Variants in EDIL3 observed in about 807,000 individuals in gnomAD.
EDIL3 encodes the protein EGF-like repeat and discoidin I-like domain-containing protein 3.
A neutral mutation model predicts 67.4 loss-of-function variants in EDIL3; 37 were observed. That is an observed-to-expected ratio of 0.55 (90% CI 0.42 to 0.72). The LOEUF is 0.72. Among genes scored for constraint, EDIL3 ranks in the 30% least tolerant of loss-of-function variants. EDIL3 has a pLI of 0.00. For missense variants in EDIL3, 527 were observed against 586.3 expected, an observed-to-expected ratio of 0.90 and a Z score of 1.04; for synonymous variants, 195 against 196.3, an observed-to-expected ratio of 0.99 and a Z score of 0.05.
rs984585895 is a variant in EDIL3 at position 84,270,429 on chromosome 5, A to C, written c.68-16217T>G. On this transcript the variant is annotated intron_variant, in intron 1 of 10. Transcript: ENST00000296591. ...CATAGCTGTTTAACTCATAAGCCTA[A>C]GGATATATACACATCTGTCAGTAAA... is the stretch of plus-strand genomic sequence containing the variant. 2.6e-5 allele frequency among the ~76,000 whole-genome samples: 4 copies of C among 152,222 alleles called. No homozygotes were observed. The South Asian group carries it at 8.3e-4, about 31-fold the overall frequency.
rs80244232 is a variant in EDIL3 at position 84,058,056 on chromosome 5, G to A, written c.1137+2244C>T. On this transcript the variant is annotated intron_variant, in intron 9 of 10. Transcript: ENST00000296591. ...AATATTCCCAGAGAAAGGTATATCC[G>A]AACTGAAGCTGAAGGATTTAAATAT... Among the ~76,000 whole-genome samples, 547 of 152,200 alleles carry A rather than the reference G, an allele frequency of 3.6e-3. 3 individuals carry two copies. The highest frequency in any genetic ancestry group is 0.013 in the African/African-American group (532 of 41,538).
At chr5:84,280,015 G>A (rs1745664486) in intron 1 of EDIL3, among the ~76,000 whole-genome samples, 1 of 152,156 alleles carries the variant, frequency 6.6e-6, no homozygotes, top group Non-Finnish European at 1.5e-5. Context: ...GCTTTATGGT[G>A]CTTGACACTT....
chr5:84,234,169 T>C (rs1744635818), intron 2 of EDIL3, among the ~76,000 whole-genome samples: 1 of 152,204 alleles, frequency 6.6e-6, no homozygotes, highest in Admixed American at 6.5e-5. Context: ...AGCCTCAGGC[T>C]ATGCATTCAG....
chr5:83,942,640 A>C lies in EDIL3; in HGVS notation c.*779T>G, dbSNP rs1744244961. On this transcript the variant is annotated 3_prime_UTR_variant, in exon 11 of 11. Coordinates refer to ENST00000296591, the MANE Select transcript of EDIL3 (RefSeq NM_005711.5). ...TAAATAGTTATGGCTTCCTTCAAAA[A>C]TAAAACTGCAGATTTAATTAACGAA... 1 of 152,066 alleles carries C rather than the reference A, an allele frequency of 6.6e-6. No individual in the cohort carries two copies. Among genetic ancestry groups the C allele is most frequent in the Non-Finnish European group, 1.5e-5 (1 of 67,976 alleles). The allele number at this position is 152,066 out of a possible 1,614,324, so 9.4% of individuals were successfully genotyped here. A position where few individuals can be genotyped will look rare whatever the true frequency, so the allele number is the denominator to read the frequency against.
chr5:84,311,329 T>C (rs1423389793), intron 1 of EDIL3, among the ~76,000 whole-genome samples: 5 of 149,682 alleles, frequency 3.3e-5, no homozygotes, highest in African/African-American at 7.3e-5. Flanking sequence ...TTTTTCTTTT[T>C]TTTTTTTTTT....
intron 1 of EDIL3, among the ~76,000 whole-genome samples, chr5:84,257,138 A>G (rs1400381350): frequency 1.3e-5 from 2 of 152,054 alleles, no homozygotes; most frequent in Non-Finnish European, 2.9e-5. Flanking sequence ...GGTTCTTTCA[A>G]TTATCCCATC....
At chr5:83,983,744 T>TC (rs1554061992) in intron 9 of EDIL3, among the ~76,000 whole-genome samples, 8 of 146,378 alleles carry the variant, frequency 5.5e-5, no homozygotes, top group Admixed American at 3.5e-4. Context: ...GGGACTTTCT[T>TC]TTTTTTTTTT....
intron 5 of EDIL3, among the ~76,000 whole-genome samples, chr5:84,132,287 GTATATATTTTATATATAATATATATTA>G (rs1335665130): frequency 2.8e-4 from 24 of 86,100 alleles, no homozygotes; most frequent in East Asian, 3.1e-4. Flanking sequence ...TTCATATATA[GTATATATTTTATATATAATATATATTA>G]TATATATTTT....
intron 4 of EDIL3, among the ~76,000 whole-genome samples, chr5:84,166,027 T>C (rs1176905173): frequency 6.6e-6 from 1 of 152,146 alleles, no homozygotes; most frequent in African/African-American, 2.4e-5. Context: ...CTTTGCATAC[T>C]AAACTCTCCA....
chr5:84,060,596 C>A, intron 8 of EDIL3, 112 bp from the exon 9 acceptor site: 3 of 1,164,312 alleles, frequency 2.6e-6, no homozygotes, highest in South Asian at 1.6e-5. Context: ...TTCATTCCTC[C>A]AAAGAGAAAA....
intron 3 of EDIL3, chr5:84,181,062 A>T: frequency 6.6e-6 from 1 of 152,212 alleles, no homozygotes; most frequent in East Asian, 1.9e-4. Flanking sequence ...GCTGGCTGCA[A>T]AGCTTTTATA....
At chr5:84,295,150 C>T (rs1050499102) in intron 1 of EDIL3, among the ~76,000 whole-genome samples, 1 of 151,504 alleles carries the variant, frequency 6.6e-6, no homozygotes, top group African/African-American at 2.4e-5. Context: ...TTTTCTATTC[C>T]CATGCTATAT....
At chr5:84,046,021 AG>A (rs1746217921) in intron 9 of EDIL3, among the ~76,000 whole-genome samples, 2 of 152,254 alleles carry the variant, frequency 1.3e-5, no homozygotes, top group South Asian at 4.1e-4. Context: ...TGGACAGAGC[AG>A]GGTTCTCTAA....
chr5:84,085,930 T>G (rs1307736034), intron 6 of EDIL3, among the ~76,000 whole-genome samples: 1 of 152,214 alleles, frequency 6.6e-6, no homozygotes, highest in Admixed American at 6.5e-5. Context: ...TGGCCACAGC[T>G]GCTTTGCCGC....
chr5:84,098,850 C>G (rs1286980871), intron 6 of EDIL3, among the ~76,000 whole-genome samples: 1 of 152,080 alleles, frequency 6.6e-6, no homozygotes, highest in Non-Finnish European at 1.5e-5. Context: ...ACTAAAAGAA[C>G]TAGGGAACCA....
At chr5:84,260,502 T>C (rs1381010654) in intron 1 of EDIL3, among the ~76,000 whole-genome samples, 1 of 152,226 alleles carries the variant, frequency 6.6e-6, no homozygotes, top group Non-Finnish European at 1.5e-5. Context: ...TTCCTGGTAA[T>C]CAAGGGCAAT....
In EDIL3 at chr5:84,103,716, A is replaced by G. The variant is rs188017838; in HGVS notation, c.651+2933T>C. On this transcript the variant is annotated intron_variant, in intron 6 of 10. Transcript: ENST00000296591. The stretch of plus-strand genomic sequence containing the variant: ...GGCTATTACTAAAAAGTAAAATAAT[A>G]ATAGATGCTGGCAAGGTTGAGGAGA... Among the ~76,000 whole-genome samples, 181 of 152,194 alleles carry G rather than the reference A, an allele frequency of 1.2e-3. 6 individuals carry two copies. In the Middle Eastern group the frequency reaches 0.031, roughly 26 times the overall value.
intron 1 of EDIL3, among the ~76,000 whole-genome samples, chr5:84,324,100 C>G (rs76928526): frequency 5.3e-5 from 8 of 151,828 alleles, no homozygotes; most frequent in Non-Finnish European, 1.2e-4. Context: ...CCAACAGCAA[C>G]AGCAACAGCA....
At chr5:84,164,595 G>C (rs949675436) in intron 4 of EDIL3, among the ~76,000 whole-genome samples, 4 of 151,950 alleles carry the variant, frequency 2.6e-5, no homozygotes, top group African/African-American at 7.3e-5. Context: ...AATTCACCGT[G>C]GTGTTCTCTA....
Sources: gnomAD v4.1 joint callset for allele counts (sites outside exome capture counted in the v4.1 genomes callset) on GRCh38, gnomAD v4.1.1 for gene constraint, MANE v1.5 for transcripts, NCBI Gene and HGNC (gene_info 2026-07-23, HGNC 2026-07-21) for gene names.